The following PREX2 variants were observed in gnomAD, a reference collection of about 807,000 sequenced individuals.
The protein encoded by PREX2 is phosphatidylinositol-3,4,5-trisphosphate dependent Rac exchange factor 2, also known as phosphatidylinositol 3,4,5-trisphosphate-dependent Rac exchanger 2 protein.
PREX2 carries 107 observed loss-of-function variants against 203.2 expected under a neutral mutation model. The ratio of observed to expected loss-of-function variants is 0.53; its 90% confidence interval spans 0.45 to 0.62. The LOEUF is 0.62. Among genes scored for constraint, PREX2 ranks in the 20% least tolerant of loss-of-function variants. The probability of loss-of-function intolerance (pLI) is 0.00; values close to 1 mark genes in which losing one functional copy is unlikely to be tolerated. For synonymous variants in PREX2, 672 were observed against 663.6 expected (o/e 1.01, Z -0.19); for missense variants, 1,777 against 1,955.9 (o/e 0.91, Z 1.72).
chr8:68,062,027 T>C (rs1173509649), intron 11 of PREX2, among the ~76,000 whole-genome samples: 3 of 152,206 alleles, frequency 2.0e-5, no homozygotes, highest in African/African-American at 7.2e-5. Context: ...TCTTAGATAC[T>C]GTGCAAACAA....
intron 24 of PREX2, chr8:68,108,961 C>T: frequency 2.4e-6 from 1 of 422,570 alleles, no homozygotes; most frequent in Non-Finnish European, 4.7e-6. Context: ...AAGACAAATA[C>T]TATATGATCT....
chr8:68,149,256 C>T (rs1371313282), intron 34 of PREX2, among the ~76,000 whole-genome samples: 1 of 152,184 alleles, frequency 6.6e-6, no homozygotes, highest in East Asian at 1.9e-4. Flanking sequence ...ATGGGGCATC[C>T]TTCAGAGATG....
At chr8:68,021,679 A>G (rs1002940340) in intron 3 of PREX2, among the ~76,000 whole-genome samples, 1 of 152,156 alleles carries the variant, frequency 6.6e-6, no homozygotes, top group Non-Finnish European at 1.5e-5. Flanking sequence ...TACATTCCTT[A>G]TTCAGTTTTC....
chr8:68,092,366 A>G (rs10110660), intron 20 of PREX2, among the ~76,000 whole-genome samples: 26,715 of 152,144 alleles, frequency 0.18, 2,482 homozygotes, highest in East Asian at 0.28. Context: ...TTGTAGCAAT[A>G]TATTAATTAG....
At chr8:68,118,808 CT>C (rs754620260) in intron 27 of PREX2, 164 bp downstream of exon 27, 13 of 748,888 alleles carry the variant, frequency 1.7e-5, no homozygotes, top group Non-Finnish European at 3.0e-5. Context: ...GCTTGATAGT[CT>C]ATTTCCCAAT....
intron 30 of PREX2, among the ~76,000 whole-genome samples, chr8:68,126,841 G>GTA (rs1434406779): frequency 6.6e-6 from 1 of 151,652 alleles, no homozygotes; most frequent in Non-Finnish European, 1.5e-5. Context: ...TGGAAGAAGA[G>GTA]TATATATATA....
intron 1 of PREX2, among the ~76,000 whole-genome samples, chr8:67,969,884 T>C (rs1002208399): frequency 1.3e-5 from 2 of 152,212 alleles, no homozygotes; most frequent in African/African-American, 4.8e-5. Flanking sequence ...AGGTGAAATG[T>C]GTTGCTACAA....
intron 37 of PREX2, among the ~76,000 whole-genome samples, chr8:68,202,135 C>T (rs370379947): frequency 3.9e-5 from 6 of 151,966 alleles, no homozygotes; most frequent in East Asian, 3.9e-4. Flanking sequence ...CTCCTGAACT[C>T]GTGATCCACC....
At chr8:68,156,821 C>G (rs1022472794) in intron 34 of PREX2, among the ~76,000 whole-genome samples, 2 of 152,182 alleles carry the variant, frequency 1.3e-5, no homozygotes, top group Non-Finnish European at 2.9e-5. Context: ...CATCTTCCTT[C>G]TCTTCCTAGT....
intron 5 of PREX2, among the ~76,000 whole-genome samples, chr8:68,029,802 A>T (rs1210768509): frequency 6.6e-6 from 1 of 152,144 alleles, no homozygotes; most frequent in Non-Finnish European, 1.5e-5. Context: ...ATTAAGGATT[A>T]TTCTAGTTTT....
chr8:68,017,785 C>T, intron 1 of PREX2, 61 bp from the exon 2 acceptor site: 1 of 1,363,398 alleles, frequency 7.3e-7, no homozygotes, highest in Non-Finnish European at 1.0e-6. Flanking sequence ...TAATTCTACT[C>T]AACACCCAGT....
intron 35 of PREX2, among the ~76,000 whole-genome samples, chr8:68,182,604 T>G (rs909971163): frequency 7.2e-5 from 11 of 152,194 alleles, no homozygotes; most frequent in African/African-American, 2.6e-4. Context: ...CTGTTAGATT[T>G]TATGTATATA....
intron 35 of PREX2, among the ~76,000 whole-genome samples, chr8:68,170,605 G>A (rs948228980): frequency 3.3e-5 from 5 of 152,166 alleles, no homozygotes; most frequent in Non-Finnish European, 5.9e-5. Context: ...ACCTCCTCCT[G>A]GGCCAAGTCA....
intron 17 of PREX2, among the ~76,000 whole-genome samples, chr8:68,081,106 G>T (rs969031679): frequency 6.6e-6 from 1 of 152,076 alleles, no homozygotes; most frequent in African/African-American, 2.4e-5. Context: ...TTGGTACCAG[G>T]GACTGGTTTT....
Position 68,155,741 on chromosome 8 carries a change from C to T in PREX2, c.4232-1581C>T, listed in dbSNP as rs558775799. ...CCATTCCTGTTACTGGCAACCTTTC[C>T]ACAGGAAATCTTGTATATCTGGGCC... is the stretch of plus-strand genomic sequence containing the variant. On this transcript the variant is annotated intron_variant, in intron 34 of 39. Transcript: ENST00000288368. Among the ~76,000 whole-genome samples the T allele has an allele frequency of 3.9e-5, 6 of 152,288 alleles. No individual in the cohort carries two copies. In the East Asian group the frequency reaches 9.7e-4, roughly 25 times the overall value.
chr8:68,192,279 C>A (rs1812310575), intron 36 of PREX2, 56 bp from the exon 37 acceptor site: 1 of 1,399,690 alleles, frequency 7.1e-7, no homozygotes, highest in Non-Finnish European at 9.7e-7. Context: ...ACCAACCTAT[C>A]TAAAAGAATT....
intron 35 of PREX2, among the ~76,000 whole-genome samples, chr8:68,170,586 C>T (rs1050214262): frequency 4.6e-5 from 7 of 152,170 alleles, no homozygotes; most frequent in Non-Finnish European, 1.0e-4. Context: ...CAGCTGTTTC[C>T]ACAATATAAC....
At chr8:68,071,523 C>T (rs1056014383) in intron 13 of PREX2, among the ~76,000 whole-genome samples, 1 of 152,122 alleles carries the variant, frequency 6.6e-6, no homozygotes, top group Non-Finnish European at 1.5e-5. Flanking sequence ...GAATTTTTGA[C>T]ATTTTATAAA....
chr8:68,127,613 C>CAT lies in PREX2; in HGVS notation c.3766+206_3766+207dup, dbSNP rs950782209. ...ATAAAAATGCAAATATATATATATA[C>CAT]ATATATATATATACACACATACTTG... On this transcript the variant is annotated intron_variant, in intron 31 of 39. Transcript: ENST00000288368. Among the ~76,000 whole-genome samples the CAT allele has an allele frequency of 2.0e-3, 300 of 147,718 alleles. 2 individuals are homozygous for CAT. Among genetic ancestry groups the CAT allele is most frequent in the African/African-American group, 4.0e-3 (157 of 39,356 alleles).
Sources: allele counts gnomAD v4.1 joint callset (sites outside exome capture counted in the v4.1 genomes callset), GRCh38; gene constraint gnomAD v4.1.1; transcripts MANE v1.5; gene names NCBI Gene and HGNC (gene_info 2026-07-23, HGNC 2026-07-21).